The following EPB41L4A variants were observed in gnomAD, a reference collection of about 807,000 sequenced individuals.
EPB41L4A encodes erythrocyte membrane protein band 4.1 like 4A.
A neutral mutation model predicts 108.6 loss-of-function variants in EPB41L4A; 100 were observed. The observed-to-expected ratio is 0.92, with a 90% CI of 0.78 to 1.09. The LOEUF is 1.09. Among genes scored for constraint, EPB41L4A ranks in the 50% least tolerant of loss-of-function variants. The pLI is 0.00. For missense variants in EPB41L4A, 1,030 were observed against 842.7 expected (o/e 1.22, Z -2.75); for synonymous variants, 319 against 289.0 (o/e 1.10, Z -1.05).
intron 1 of EPB41L4A, among the ~76,000 whole-genome samples, chr5:112,374,201 C>A (rs1286872440): frequency 6.6e-6 from 1 of 152,236 alleles, no homozygotes; most frequent in South Asian, 2.1e-4. Context: ...TATTACAAAC[C>A]GTAGCCATGA....
chr5:112,331,237 T>A (rs1283733659), intron 1 of EPB41L4A, among the ~76,000 whole-genome samples: 1 of 152,212 alleles, frequency 6.6e-6, no homozygotes. Flanking sequence ...AAGGTCAATT[T>A]GTGCCAAAAA....
intron 20 of EPB41L4A, among the ~76,000 whole-genome samples, chr5:112,169,712 A>T (rs1435677192): frequency 6.6e-6 from 1 of 152,238 alleles, no homozygotes; most frequent in Non-Finnish European, 1.5e-5. Flanking sequence ...CTTTGACCTA[A>T]AGATGGGGAC....
chr5:112,226,681 A>G (rs1028038191), intron 12 of EPB41L4A, among the ~76,000 whole-genome samples: 17 of 151,722 alleles, frequency 1.1e-4, no homozygotes, highest in African/African-American at 4.1e-4. Flanking sequence ...AGAGGAGGGT[A>G]GAGATGTTGG....
intron 4 of EPB41L4A, among the ~76,000 whole-genome samples, chr5:112,274,263 G>C (rs1057498177): frequency 2.0e-5 from 3 of 152,146 alleles, no homozygotes; most frequent in African/African-American, 7.2e-5. Flanking sequence ...CTGTGTGACA[G>C]AGCGAGACCC....
At chr5:112,389,361 A>T (rs1760778178) in intron 1 of EPB41L4A, among the ~76,000 whole-genome samples, 2 of 152,252 alleles carry the variant, frequency 1.3e-5, no homozygotes, top group Admixed American at 1.3e-4. Context: ...CCAACAGACC[A>T]GACTGAAAAA....
At chr5:112,304,840 A>G (rs1206975004) in intron 2 of EPB41L4A, among the ~76,000 whole-genome samples, 8 of 152,186 alleles carry the variant, frequency 5.3e-5, no homozygotes, top group Non-Finnish European at 1.2e-4. Flanking sequence ...AATTTACGAT[A>G]AGCATATCAA....
chr5:112,263,132 C>G (rs187567380), intron 6 of EPB41L4A, among the ~76,000 whole-genome samples: 23 of 152,228 alleles, frequency 1.5e-4, no homozygotes, highest in Admixed American at 1.4e-3. Context: ...AGAATTCTTC[C>G]CAAAATCTTC....
intron 2 of EPB41L4A, among the ~76,000 whole-genome samples, chr5:112,306,120 A>G (rs1042316463): frequency 6.6e-6 from 1 of 152,172 alleles, no homozygotes; most frequent in Non-Finnish European, 1.5e-5. Context: ...AAAGTCTGAC[A>G]TAGTAGATAA....
intron 1 of EPB41L4A, among the ~76,000 whole-genome samples, chr5:112,389,776 A>C (rs1239878330): frequency 6.6e-6 from 1 of 152,138 alleles, no homozygotes; most frequent in African/African-American, 2.4e-5. Context: ...CTTTAAACTA[A>C]ATTTGTTATA....
At chr5:112,399,464 C>T (rs1240584859) in intron 1 of EPB41L4A, among the ~76,000 whole-genome samples, 1 of 152,194 alleles carries the variant, frequency 6.6e-6, no homozygotes, top group Non-Finnish European at 1.5e-5. Context: ...CATCCAGGGC[C>T]CAGCCCACTG....
intron 1 of EPB41L4A, among the ~76,000 whole-genome samples, chr5:112,394,207 C>T (rs1761166036): frequency 1.3e-5 from 2 of 152,188 alleles, no homozygotes; most frequent in Admixed American, 1.3e-4. Context: ...TCTCACCACT[C>T]CTATTCAACA....
chr5:112,345,709 G>A (rs1214938416), intron 1 of EPB41L4A, among the ~76,000 whole-genome samples: 3 of 151,384 alleles, frequency 2.0e-5, no homozygotes, highest in African/African-American at 7.3e-5. Context: ...GTTTATGTGT[G>A]CACACGCATG....
At chr5:112,261,334 T>A (rs1478211264) in intron 7 of EPB41L4A, among the ~76,000 whole-genome samples, 17 of 152,210 alleles carry the variant, frequency 1.1e-4, no homozygotes, top group Non-Finnish European at 1.9e-4. Context: ...AATGAATGCA[T>A]GAGTGTTATT....
intron 1 of EPB41L4A, among the ~76,000 whole-genome samples, chr5:112,417,928 A>G (rs1172871275): frequency 1.3e-5 from 2 of 152,194 alleles, no homozygotes; most frequent in Non-Finnish European, 2.9e-5. Flanking sequence ...AAACTGATTC[A>G]CAAAAGGAAA....
In EPB41L4A at chr5:112,264,598, G is replaced by A. The variant is rs567822941; in HGVS notation, c.554+298C>T. On this transcript the variant is annotated intron_variant, in intron 6 of 22. Transcript: ENST00000261486. ...CCACTATGTAATATCATAAATACAT[G>A]AACCTATGTATGACAAATTTTCTCT... The A allele has an allele frequency of 2.5e-5, 5 of 198,636 alleles. No individual in the cohort carries two copies. In the East Asian group the frequency reaches 6.2e-4, roughly 25 times the overall value. 12.3% of individuals were successfully genotyped at this position (198,636 alleles called of 1,614,324 possible).
chr5:112,350,441 G>A (rs1204358152), intron 1 of EPB41L4A, among the ~76,000 whole-genome samples: 2 of 152,128 alleles, frequency 1.3e-5, no homozygotes, highest in African/African-American at 4.8e-5. Context: ...AGGTATTTAG[G>A]ATATTCATCA....
chr5:112,222,485 T>A (rs953642329), intron 12 of EPB41L4A, among the ~76,000 whole-genome samples: 2 of 152,228 alleles, frequency 1.3e-5, no homozygotes, highest in Admixed American at 6.5e-5. Context: ...TGTTATCCAC[T>A]GTTTTCATGC....
intron 2 of EPB41L4A, among the ~76,000 whole-genome samples, chr5:112,300,257 C>T (rs1754267919): frequency 6.6e-6 from 1 of 152,060 alleles, no homozygotes; most frequent in Non-Finnish European, 1.5e-5. Flanking sequence ...GAGACTTATG[C>T]TTTAAGGAAG....
chr5:112,240,108 T>G (rs995286647), intron 10 of EPB41L4A, among the ~76,000 whole-genome samples: 29 of 152,230 alleles, frequency 1.9e-4, no homozygotes, highest in Admixed American at 1.6e-3. Flanking sequence ...CATCAAGACA[T>G]TCCCTTTCCT....
Sources: gnomAD v4.1 joint callset for allele counts (sites outside exome capture counted in the v4.1 genomes callset) on GRCh38, gnomAD v4.1.1 for gene constraint, MANE v1.5 for transcripts, NCBI Gene and HGNC (gene_info 2026-07-23, HGNC 2026-07-21) for gene names.